Variants in USP3 observed in about 807,000 individuals in gnomAD.
USP3 encodes the protein ubiquitin carboxyl-terminal hydrolase 3.
In USP3, 20 loss-of-function variants were observed where a neutral mutation model predicts 72.3. That is an observed-to-expected ratio of 0.28 (90% CI 0.19 to 0.40). The LOEUF (loss-of-function observed/expected upper bound fraction) is 0.40, where lower values mean the gene tolerates loss of function less well. Ranked by LOEUF, USP3 falls within the 10% of genes least tolerant of loss-of-function variation. USP3 has a pLI of 1.00. For synonymous variants in USP3, 222 were observed against 225.3 expected (o/e 0.99, Z 0.13); for missense variants, 479 against 633.9 (o/e 0.76, Z 2.62).
chr15:63,519,400 A>G (rs2065889944), intron 1 of USP3, among the ~76,000 whole-genome samples: 1 of 149,250 alleles, frequency 6.7e-6, no homozygotes, highest in Admixed American at 6.7e-5. Flanking sequence ...CAGTTATTTT[A>G]TAAAATGTTC....
chr15:63,509,939 A>T (rs1341069699), intron 1 of USP3, among the ~76,000 whole-genome samples: 2 of 152,216 alleles, frequency 1.3e-5, no homozygotes, highest in Admixed American at 1.3e-4. Flanking sequence ...TGTATACAGA[A>T]CATCCTTCAT....
Position 63,567,508 on chromosome 15 carries a change from G to A in USP3, c.762-2925G>A, listed in dbSNP as rs559323961. Among the ~76,000 whole-genome samples, 25 of 152,098 alleles carry A rather than the reference G, an allele frequency of 1.6e-4. No individual in the cohort carries two copies. In the South Asian group the frequency reaches 2.3e-3, roughly 14 times the overall value. On this transcript the variant is annotated intron_variant, in intron 8 of 14. Coordinates refer to ENST00000380324, the MANE Select transcript of USP3 (RefSeq NM_006537.4). ...ACTACAGGCGCCTGCAACCACGCCC[G>A]GCTAATTTTTTGTATTTTTAGTGGA...
chr15:63,559,112 G>A (rs1054835721), intron 6 of USP3, among the ~76,000 whole-genome samples: 3 of 152,006 alleles, frequency 2.0e-5, no homozygotes, highest in African/African-American at 4.8e-5. Flanking sequence ...TGATGACCTC[G>A]ATCAGTAAGA....
At chr15:63,568,814 A>C (rs1212705569) in intron 8 of USP3, among the ~76,000 whole-genome samples, 4 of 152,244 alleles carry the variant, frequency 2.6e-5, no homozygotes, top group Non-Finnish European at 4.4e-5. Context: ...TCACAAGTTG[A>C]AATAGACTCA....
intron 14 of USP3, 21 bp downstream of exon 14, chr15:63,589,032 C>T: frequency 6.2e-7 from 1 of 1,612,628 alleles, no homozygotes; most frequent in South Asian, 1.1e-5. Flanking sequence ...CAGCCAGCTT[C>T]TGGTGGGTGG....
chr15:63,569,656 A>T (rs1000133071), intron 8 of USP3, among the ~76,000 whole-genome samples: 1 of 152,142 alleles, frequency 6.6e-6, no homozygotes, highest in African/African-American at 2.4e-5. Flanking sequence ...TCTTTATTTC[A>T]TCCAAGTAAC....
At chr15:63,576,211 G>A (rs959959804) in intron 11 of USP3, among the ~76,000 whole-genome samples, 2 of 151,832 alleles carry the variant, frequency 1.3e-5, no homozygotes, top group African/African-American at 2.4e-5. Context: ...GGTCTTAAAC[G>A]CCTAACCTCA....
At chr15:63,590,103 G>A (rs1197738705) in intron 14 of USP3, among the ~76,000 whole-genome samples, 2 of 152,168 alleles carry the variant, frequency 1.3e-5, no homozygotes, top group Non-Finnish European at 2.9e-5. Flanking sequence ...CGTGCAAAAG[G>A]CTTGTTTTTA....
chr15:63,537,576 G>A (rs1406336963), intron 3 of USP3, among the ~76,000 whole-genome samples: 1 of 151,874 alleles, frequency 6.6e-6, no homozygotes, highest in Non-Finnish European at 1.5e-5. Context: ...TAACTGCTTT[G>A]TTTAAAAAAA....
In USP3 at chr15:63,518,276, C is replaced by T. The variant is rs141563646; in HGVS notation, c.91+13446C>T. Among the ~76,000 whole-genome samples, 36 of 152,262 alleles carry T rather than the reference C, an allele frequency of 2.4e-4. 2 individuals carry two copies. In the East Asian group the frequency reaches 6.9e-3, roughly 29 times the overall value. ...GAGAAAATAGGCAAGCCAGGGGGTT[C>T]GACCTTGCTTGGAAAGTCAGATCAC... On this transcript the variant is annotated intron_variant, in intron 1 of 14. Transcript: ENST00000380324.
chr15:63,559,752 C>T, intron 6 of USP3, 105 bp from the exon 7 acceptor site: 5 of 892,818 alleles, frequency 5.6e-6, no homozygotes, highest in Non-Finnish European at 8.4e-6. Flanking sequence ...TTAAATGAGA[C>T]AATTGAAAAA....
At chr15:63,512,049 C>T (rs117737827) in intron 1 of USP3, among the ~76,000 whole-genome samples, 18,635 of 149,248 alleles carry the variant, frequency 0.12, 1,552 homozygotes, top group South Asian at 0.2. Flanking sequence ...CTCCGCCTCT[C>T]GGGCTCAAGT....
At chr15:63,531,884 T>G (rs1339951250) in intron 1 of USP3, among the ~76,000 whole-genome samples, 1 of 152,162 alleles carries the variant, frequency 6.6e-6, no homozygotes, top group African/African-American at 2.4e-5. Flanking sequence ...TGTACTTCCT[T>G]CCCCACGCCA....
chr15:63,585,500 A>G (rs1246771307), intron 11 of USP3, among the ~76,000 whole-genome samples: 2 of 152,216 alleles, frequency 1.3e-5, no homozygotes, highest in Admixed American at 6.5e-5. Context: ...TCGTTTTTGG[A>G]AATACCTAAC....
At chr15:63,557,482 C>T (rs944486121) in intron 5 of USP3, among the ~76,000 whole-genome samples, 2 of 152,108 alleles carry the variant, frequency 1.3e-5, no homozygotes, top group African/African-American at 4.8e-5. Context: ...AGGCTGGTCT[C>T]GAACTCCTGA....
chr15:63,581,365 G>A (rs1399622766), intron 11 of USP3, among the ~76,000 whole-genome samples: 1 of 132,950 alleles, frequency 7.5e-6, no homozygotes, highest in Non-Finnish European at 1.6e-5. Context: ...GTGTGTGTGT[G>A]TGTGTGTGTG....
chr15:63,521,835 T>A (rs940626146), intron 1 of USP3, among the ~76,000 whole-genome samples: 3 of 152,338 alleles, frequency 2.0e-5, no homozygotes, highest in African/African-American at 7.2e-5. Context: ...GAAATAAGGA[T>A]TTCAGCATCT....
chr15:63,561,601 T>G (rs919650501), intron 7 of USP3, among the ~76,000 whole-genome samples: 1 of 152,230 alleles, frequency 6.6e-6, no homozygotes, highest in Non-Finnish European at 1.5e-5. Flanking sequence ...CCATCCCTTC[T>G]TCTTTGTGTC....
chr15:63,545,969 T>TCA (rs2066317267), intron 3 of USP3, among the ~76,000 whole-genome samples: 2 of 9,158 alleles, frequency 2.2e-4, no homozygotes, highest in African/African-American at 4.6e-4. Flanking sequence ...AGACCTTGTC[T>TCA]CAAAAAAAAA....
Sources: gnomAD v4.1 joint callset for allele counts (sites outside exome capture counted in the v4.1 genomes callset) on GRCh38, gnomAD v4.1.1 for gene constraint, MANE v1.5 for transcripts, NCBI Gene and HGNC (gene_info 2026-07-23, HGNC 2026-07-21) for gene names.